SAFB: variants seen among roughly 807,000 people sequenced by gnomAD.
SAFB encodes the protein scaffold attachment factor B1.
Under a neutral mutation model 101.6 loss-of-function variants are expected in SAFB, and 15 were observed. The ratio of observed to expected loss-of-function variants is 0.15; its 90% CI spans 0.10 to 0.23. SAFB has a LOEUF of 0.23. Ranked by LOEUF, SAFB falls within the 10% of genes least tolerant of loss-of-function variation. The probability of loss-of-function intolerance (pLI) is 1.00; values close to 1 mark genes in which losing one functional copy is unlikely to be tolerated. For missense variants in SAFB, 930 were observed against 1,104.1 expected (o/e 0.84, Z 2.23); for synonymous variants, 449 against 407.5 (o/e 1.10, Z -1.23).
chr19:5,641,820 TA>T lies in SAFB; in HGVS notation c.422del (p.Asn141MetfsTer26). The stretch of plus-strand genomic sequence containing the variant: ...GTGTGTTGGATGAAGCAGAAATTGA[TA>T]ATGGAAGCGTTGCAGATTGTGTCGA... Reference protein sequence around the residue: ...ISVLDEAEIDNGSVADCVEDD... With the variant: ...ISVLDEAEIDXGSVADCVEDD... On this transcript the variant is annotated frameshift_variant, in exon 4 of 21. Transcript: ENST00000588852. LOFTEE classifies it high-confidence loss of function. 1 of 1,614,118 alleles carries T rather than the reference TA, an allele frequency of 6.2e-7. No homozygotes were observed. The highest frequency in any genetic ancestry group is 8.5e-7 in the Non-Finnish European group (1 of 1,180,006).
intron 5 of SAFB, among the ~76,000 whole-genome samples, chr19:5,646,049 C>CT (rs1055733641): frequency 8.6e-5 from 13 of 150,926 alleles, no homozygotes; most frequent in African/African-American, 2.2e-4. Context: ...CTTGAGTTTC[C>CT]TTTTTTTTTC....
chr19:5,635,905 T>G (rs2053585435), intron 2 of SAFB, among the ~76,000 whole-genome samples: 2 of 152,134 alleles, frequency 1.3e-5, no homozygotes, highest in Non-Finnish European at 2.9e-5. Flanking sequence ...GCCAGAGAGT[T>G]ATACTTTTCC....
chr19:5,624,614 T>TA (rs2145383772), intron 1 of SAFB, among the ~76,000 whole-genome samples: 1 of 151,094 alleles, frequency 6.6e-6, no homozygotes, highest in South Asian at 2.1e-4. Context: ...TGTTGACACA[T>TA]CCCACCATCC....
chr19:5,667,765 T>C lies in SAFB; in HGVS notation c.2558-55T>C. 1.3e-6 allele frequency: 2 copies of C among 1,579,536 alleles called. No homozygotes were observed. The highest frequency in any genetic ancestry group is 1.7e-6 in the Non-Finnish European group (2 of 1,149,690). On this transcript the variant is annotated intron_variant, in intron 19 of 20. Coordinates refer to ENST00000588852, the MANE Select transcript of SAFB (RefSeq NM_001201338.2). This position sits in a 1 kb window ranked among gnomAD's most constrained non-coding sequence, Gnocchi z 4.0. The stretch of plus-strand genomic sequence containing the variant: ...GGAGTGGAGTGGGCTAAATGTGCCG[T>C]GGGTTCCACGCCGTGTGCGCAAGTT...
intron 17 of SAFB, 127 bp from the exon 18 acceptor site, chr19:5,666,919 T>TA: frequency 2.6e-6 from 2 of 772,630 alleles, no homozygotes; most frequent in Non-Finnish European, 4.8e-6. Flanking sequence ...TGTGAACCGA[T>TA]ACAGCCTGCC....
chr19:5,642,103 T>G (rs1483342077), intron 4 of SAFB, 157 bp downstream of exon 4: 4 of 710,618 alleles, frequency 5.6e-6, no homozygotes, highest in Admixed American at 2.0e-5. Flanking sequence ...CCAATTTGTT[T>G]TGTTGAAAGG....
chr19:5,635,392 AT>A (rs2053575204), intron 2 of SAFB, among the ~76,000 whole-genome samples: 1 of 152,086 alleles, frequency 6.6e-6, no homozygotes, highest in East Asian at 1.9e-4. Context: ...TCACAAGCTT[AT>A]TTCCATATGT....
chr19:5,654,234 T>C (rs1162787568), intron 12 of SAFB, 34 bp downstream of exon 12: 1 of 1,612,878 alleles, frequency 6.2e-7, no homozygotes, highest in Admixed American at 1.7e-5. Context: ...GATTCTGTCT[T>C]GTTTCTGTGC....
chr19:5,645,561 A>G lies in SAFB; in HGVS notation c.609+162A>G, dbSNP rs547120382. ...GTGTTTGCTTTCTGCTTTCCTCCAA[A>G]TATAATGTACGCATTGCCAGGGACT... On this transcript the variant is annotated intron_variant, in intron 5 of 20. Coordinates refer to ENST00000588852, the MANE Select transcript of SAFB (RefSeq NM_001201338.2). 5.9e-5 allele frequency among the ~76,000 whole-genome samples: 9 copies of G among 152,278 alleles called. No individual in the cohort carries two copies. In the East Asian group the frequency reaches 1.7e-3, roughly 29 times the overall value.
At chr19:5,646,112 ATTC>A (rs1272552703) in intron 5 of SAFB, among the ~76,000 whole-genome samples, 2 of 152,178 alleles carry the variant, frequency 1.3e-5, no homozygotes, top group African/African-American at 4.8e-5. Context: ...TAGCTGGCTA[ATTC>A]TTAGGAGAAC....
chr19:5,626,781 G>A (rs1326208365), intron 2 of SAFB, among the ~76,000 whole-genome samples: 7 of 152,136 alleles, frequency 4.6e-5, no homozygotes, highest in African/African-American at 9.7e-5. Flanking sequence ...TCACAGTGGC[G>A]TGTGCCTGTA....
In SAFB at chr19:5,667,112, T is replaced by C; in HGVS notation, c.2401T>C (p.Tyr801His). ...GRDSRDGWGG[Y>H]GSDKRMSEGR... Reference sequence around the variant, plus strand: ...GGACTCCCGCGATGGCTGGGGGGGCTATGGCTCTGACAAGAGGATGAGCGA... The same window carrying C: ...GGACTCCCGCGATGGCTGGGGGGGCCATGGCTCTGACAAGAGGATGAGCGA... The change falls in exon 18 of 21, where the codon TAT becomes CAT. Residue 801 changes from tyrosine (Y) to histidine (H), a missense_variant. By Grantham distance (83) the Tyr-to-His change is moderately conservative (BLOSUM62 2). Around this residue, in one of 7 missense-constraint regions of SAFB, gnomAD observed 318 missense variants for 342.6 expected, o/e 0.93. Transcript: ENST00000588852. This position sits in a 1 kb window ranked among gnomAD's most constrained non-coding sequence, Gnocchi z 4.0. The C allele has an allele frequency of 6.2e-7, 1 of 1,612,454 alleles. No homozygotes were observed. Among genetic ancestry groups the C allele is most frequent in the Non-Finnish European group, 8.5e-7 (1 of 1,179,454 alleles).
In SAFB at chr19:5,667,190, C is replaced by G; in HGVS notation, c.2453+26C>G. On this transcript the variant is annotated intron_variant, in intron 18 of 20. Transcript: ENST00000588852. This position sits in a 1 kb window ranked among gnomAD's most constrained non-coding sequence, Gnocchi z 4.0. ...GTTTGTGTCCCACACCCGACAGTACCTGACCCCCCCCCCGCCCACAAGGGG... is the reference window on the plus strand; with the variant it reads ...GTTTGTGTCCCACACCCGACAGTACGTGACCCCCCCCCCGCCCACAAGGGG... The G allele has an allele frequency of 7.2e-7, 1 of 1,388,586 alleles. No individual in the cohort carries two copies. The allele number at this position is 1,388,586 out of a possible 1,614,324, so 86.0% of individuals were successfully genotyped here. A position where few individuals can be genotyped will look rare whatever the true frequency, so the allele number is the denominator to read the frequency against.
At chr19:5,624,968 C>T (rs1016729594) in intron 1 of SAFB, among the ~76,000 whole-genome samples, 3 of 152,170 alleles carry the variant, frequency 2.0e-5, no homozygotes, top group Admixed American at 6.5e-5. Context: ...TCTCCCTGGA[C>T]GGTCCATAGG....
rs746031198 is a variant in SAFB, at chr19:5,661,669, G to A, written c.2014G>A (p.Glu672Lys). 3 of 1,611,132 alleles carry A rather than the reference G, an allele frequency of 1.9e-6. No individual in the cohort carries two copies. The highest frequency in any genetic ancestry group is 3.3e-5 in the Admixed American group (2 of 59,800). Residue 672 changes from glutamate to lysine, a missense_variant, in exon 15 of 21, where the codon GAA (glutamate) becomes AAA (lysine). Around this residue, in one of 7 missense-constraint regions of SAFB, gnomAD observed 159 missense variants for 234.1 expected, o/e 0.68. Transcript: ENST00000588852. ...CATGGAGCGGGAACGGCTGGAGCGC[G>A]AACGCATGCACGTGGAGCACGAGCG... ...ERMERERLER[E>K]RMHVEHERRR...
chr19:5,657,918 C>T (rs554146767), intron 14 of SAFB, among the ~76,000 whole-genome samples: 27 of 152,192 alleles, frequency 1.8e-4, no homozygotes, highest in African/African-American at 5.8e-4. Flanking sequence ...CAGTAGTGCT[C>T]GTCAACAAAA....
chr19:5,626,567 C>A, intron 2 of SAFB, 78 bp downstream of exon 2: 1 of 860,208 alleles, frequency 1.2e-6, no homozygotes, highest in Non-Finnish European at 1.9e-6. Flanking sequence ...GCCTCGTTTA[C>A]TTGTCTGTGT....
chr19:5,626,535 A>G (rs1277481888), intron 2 of SAFB, 46 bp downstream of exon 2: 1 of 1,124,096 alleles, frequency 8.9e-7, no homozygotes, highest in African/African-American at 1.5e-5. Context: ...TGCTTTCTTC[A>G]AAACGAATAC....
chr19:5,661,448 T>C, intron 14 of SAFB, 70 bp from the exon 15 acceptor site: 1 of 1,584,754 alleles, frequency 6.3e-7, no homozygotes, highest in Non-Finnish European at 8.6e-7. Context: ...CCCAGCGTCT[T>C]ACTTAAAGTC....
Sources: gnomAD v4.1 joint callset for allele counts (sites outside exome capture counted in the v4.1 genomes callset) on GRCh38, gnomAD v4.1.1 for gene constraint, gnomAD v4.1.1 regional missense constraint, Gnocchi (gnomAD v3.1) non-coding constraint, MANE v1.5 for transcripts, NCBI Gene and HGNC (gene_info 2026-07-23, HGNC 2026-07-21) for gene names.